The following DMD variants were observed in gnomAD, a reference collection of about 807,000 sequenced individuals.
DMD encodes the protein mutant dystrophin.
A neutral mutation model predicts 330.1 loss-of-function variants in DMD; 63 were observed. The observed-to-expected ratio is 0.19, with a 90% CI of 0.16 to 0.24. DMD has a LOEUF of 0.24. Among genes scored for constraint, DMD ranks in the 10% least tolerant of loss-of-function variants. The pLI, the probability that DMD is intolerant of heterozygous loss-of-function variation, is 1.00. For synonymous variants in DMD, 1,223 were observed against 959.8 expected, an observed-to-expected ratio of 1.27 and a Z score of -5.07; for missense variants, 3,344 against 2,684.1, an observed-to-expected ratio of 1.25 and a Z score of -5.43.
At chrX:33,164,042 T>C (rs1020200670) in intron 1 of DMD, among the ~76,000 whole-genome samples, 2 of 111,817 alleles carry the variant, frequency 1.8e-5, no homozygotes, top group Non-Finnish European at 3.8e-5. Flanking sequence ...TTATATATAT[T>C]AAATAGATTT....
At chrX:32,253,625 C>CTT (rs200535114) in intron 43 of DMD, among the ~76,000 whole-genome samples, 49 of 89,005 alleles carry the variant, frequency 5.5e-4, no homozygotes, top group South Asian at 4.3e-3. Flanking sequence ...TTGATTTAAT[C>CTT]TTTTTTTTTT....
intron 26 of DMD, 50 bp from the exon 27 acceptor site, chrX:32,448,688 C>T: frequency 9.5e-7 from 1 of 1,056,133 alleles, no homozygotes; most frequent in Non-Finnish European, 1.3e-6. Context: ...ACTTTACATC[C>T]AAAATGCATT....
intron 51 of DMD, among the ~76,000 whole-genome samples, chrX:31,771,971 C>T (rs2090369162): frequency 8.9e-6 from 1 of 111,817 alleles, no homozygotes; most frequent in Admixed American, 9.5e-5. Flanking sequence ...GAAGTGTGGA[C>T]TTTCTCTCCC....
At chrX:32,688,005 G>A in intron 9 of DMD, among the ~76,000 whole-genome samples, 1 of 111,606 alleles carries the variant, frequency 9.0e-6, no homozygotes, top group East Asian at 2.8e-4. Context: ...ATAAATGTTT[G>A]AAAAAGATAT....
At chrX:32,579,258 TACTGG>T (rs923814152) in intron 13 of DMD, among the ~76,000 whole-genome samples, 2 of 112,157 alleles carry the variant, frequency 1.8e-5, no homozygotes, top group Non-Finnish European at 3.8e-5. Context: ...ATGAAACAAC[TACTGG>T]AAGTTTTTTC....
rs781641571 is a variant in DMD, at chrX:32,878,104, G to T, written c.94-28284C>A. Among the ~76,000 whole-genome samples the T allele has an allele frequency of 2.7e-5, 3 of 112,280 alleles. No individual in the cohort carries two copies. In the South Asian group the frequency reaches 1.1e-3, roughly 41 times the overall value. The stretch of plus-strand genomic sequence containing the variant: ...AAAATACTAGGAATGGGCCGGGCGC[G>T]GTGGCTCACGCCTGTAATCCCAGCA... On this transcript the variant is annotated intron_variant, in intron 2 of 78. Transcript: ENST00000357033.
At chrX:31,613,330 C>T (rs139137599) in intron 55 of DMD, among the ~76,000 whole-genome samples, 70 of 111,353 alleles carry the variant, frequency 6.3e-4, no homozygotes, top group African/African-American at 2.2e-3. Flanking sequence ...AGGATAATTG[C>T]TCTTGGGACC....
intron 63 of DMD, among the ~76,000 whole-genome samples, chrX:31,241,205 C>T (rs1224379170): frequency 9.0e-6 from 1 of 111,637 alleles, no homozygotes; most frequent in East Asian, 2.8e-4. Flanking sequence ...AGAGTATTTC[C>T]TCTTCAAAAT....
At chrX:32,229,668 CAA>C (rs1205546996) in intron 43 of DMD, among the ~76,000 whole-genome samples, 4 of 62,476 alleles carry the variant, frequency 6.4e-5, no homozygotes, top group Non-Finnish European at 8.7e-5. Flanking sequence ...ATATATATCT[CAA>C]AGAGTTTCAT....
chrX:33,299,705 A>G (rs2053634510), intron 1 of DMD, among the ~76,000 whole-genome samples: 1 of 112,236 alleles, frequency 8.9e-6, no homozygotes. Flanking sequence ...GACAATTGGT[A>G]GATGTTTTAC....
intron 44 of DMD, among the ~76,000 whole-genome samples, chrX:32,082,773 C>A (rs2096403295): frequency 9.0e-6 from 1 of 111,592 alleles, no homozygotes; most frequent in Non-Finnish European, 1.9e-5. Flanking sequence ...ATTCAAAAGT[C>A]CTATGTAAAT....
At position 31,678,197 on chromosome X, in the gene DMD, C is replaced by G. The variant is rs144194417; in HGVS notation, c.7872+1178G>C. Among the ~76,000 whole-genome samples the G allele has an allele frequency of 7.2e-4, 81 of 111,993 alleles. 2 individuals are homozygous for G. Among genetic ancestry groups the G allele is most frequent in the African/African-American group, 2.5e-3 (77 of 30,877 alleles). The stretch of plus-strand genomic sequence containing the variant: ...TATAGCTTAGCATAGCCTAACCTGA[C>G]TAATTTGGAAATGGAAGCCATTTCA... On this transcript the variant is annotated intron_variant, in intron 53 of 78. Transcript: ENST00000357033.
chrX:32,608,770 C>T (rs1468189420), intron 12 of DMD, among the ~76,000 whole-genome samples: 1 of 110,687 alleles, frequency 9.0e-6, no homozygotes, highest in Non-Finnish European at 1.9e-5. Flanking sequence ...AAATCTGGCT[C>T]TCTGGTTATA....
intron 44 of DMD, among the ~76,000 whole-genome samples, chrX:32,164,793 GT>G (rs374936832): frequency 1.1e-5 from 1 of 91,625 alleles, no homozygotes; most frequent in Admixed American, 1.4e-4. Flanking sequence ...CGTGGACCAG[GT>G]CCCCCCCCCA....
intron 48 of DMD, among the ~76,000 whole-genome samples, chrX:31,868,685 A>G (rs749971174): frequency 3.6e-5 from 4 of 111,653 alleles, no homozygotes; most frequent in African/African-American, 1.3e-4. Flanking sequence ...AGGAAGGTCT[A>G]TTCTTAGGAG....
chrX:32,859,230 C>T (rs1423905160), intron 2 of DMD, among the ~76,000 whole-genome samples: 1 of 110,693 alleles, frequency 9.0e-6, no homozygotes, highest in African/African-American at 3.3e-5. Context: ...CACTTTGGGA[C>T]GCTGAGGCAG....
intron 55 of DMD, among the ~76,000 whole-genome samples, chrX:31,527,007 G>A (rs1458119410): frequency 1.8e-5 from 2 of 111,083 alleles, no homozygotes; most frequent in East Asian, 2.8e-4. Flanking sequence ...CCACTTGGGA[G>A]GCTGAGGTGG....
At chrX:33,283,687 T>C (rs2053378027) in intron 1 of DMD, among the ~76,000 whole-genome samples, 1 of 111,097 alleles carries the variant, frequency 9.0e-6, no homozygotes, top group Non-Finnish European at 1.9e-5. Context: ...TATAAAACTT[T>C]AATATGTAGA....
At chrX:33,016,921 G>A (rs1188369884) in intron 2 of DMD, among the ~76,000 whole-genome samples, 1 of 111,848 alleles carries the variant, frequency 8.9e-6, no homozygotes, top group African/African-American at 3.2e-5. Flanking sequence ...GAGTATACAC[G>A]AGGCTTTTTA....
Sources: gnomAD v4.1 joint callset for allele counts (sites outside exome capture counted in the v4.1 genomes callset) on GRCh38, gnomAD v4.1.1 for gene constraint, MANE v1.5 for transcripts, NCBI Gene and HGNC (gene_info 2026-07-23, HGNC 2026-07-21) for gene names.